RAC3: variants seen among roughly 807,000 people sequenced by gnomAD.
RAC3 encodes ras-related C3 botulinum toxin substrate 3.
RAC3 carries 9 observed loss-of-function variants against 19.0 expected under a neutral mutation model. The observed-to-expected ratio is 0.47, with a 90% CI of 0.29 to 0.83. The LOEUF (loss-of-function observed/expected upper bound fraction) is 0.83, where lower values mean the gene tolerates loss of function less well. RAC3 is among the 40% of genes least tolerant of loss of function. The probability of loss-of-function intolerance (pLI) is 0.09; values close to 1 mark genes in which losing one functional copy is unlikely to be tolerated. For synonymous variants in RAC3, 146 were observed against 111.8 expected, an observed-to-expected ratio of 1.31 and a Z score of -1.93; for missense variants, 203 against 260.8, an observed-to-expected ratio of 0.78 and a Z score of 1.53.
At position 82,034,020 on chromosome 17, in the gene RAC3, GCCTT is replaced by G; in HGVS notation, c.*194_*197del. 1 of 629,198 alleles carries G rather than the reference GCCTT, an allele frequency of 1.6e-6. No homozygotes were observed. The highest frequency in any genetic ancestry group is 2.4e-6 in the Non-Finnish European group (1 of 413,166). 39.0% of individuals were successfully genotyped at this position (629,198 alleles called of 1,614,324 possible). ...CGCCTCATTCTGGGGTGTGGCTCCAGCCTTCCCTGGCCCCCGCCGGAGGCCGGGA... is the reference window on the plus strand; with the variant it reads ...CGCCTCATTCTGGGGTGTGGCTCCAGCCCTGGCCCCCGCCGGAGGCCGGGA... On this transcript the variant is annotated 3_prime_UTR_variant, in exon 6 of 6. Coordinates refer to ENST00000306897, the MANE Select transcript of RAC3 (RefSeq NM_005052.3).
At chr17:82,032,100 A>G in intron 1 of RAC3, 1 of 467,998 alleles carries the variant, frequency 2.1e-6, no homozygotes, top group Non-Finnish European at 3.8e-6. Context: ...CCTGGGCTGA[A>G]CCCTCAGCCG....
chr17:82,033,899 C>T lies in RAC3; in HGVS notation c.*70C>T, dbSNP rs532079247. On this transcript the variant is annotated 3_prime_UTR_variant, in exon 6 of 6. Coordinates refer to ENST00000306897, the MANE Select transcript of RAC3 (RefSeq NM_005052.3). This position sits in a 1 kb window ranked among gnomAD's most constrained non-coding sequence, Gnocchi z 6.2. ...GGACGTGTCCGCTGTTGTGTTGAGA[C>T]GTGTGGTGTCCCTGAGTCGGCTGTG... The T allele has an allele frequency of 9.0e-4, 1,308 of 1,445,518 alleles. 9 individuals carry two copies. The African/African-American group carries it at 0.016, about 18-fold the overall frequency. The allele number at this position is 1,445,518 out of a possible 1,614,324, so 89.5% of individuals were successfully genotyped here.
rs1236435077 is a variant in RAC3, at chr17:82,032,313, G to A, written c.36-74G>A. 7.4e-6 allele frequency: 11 copies of A among 1,484,876 alleles called. No individual in the cohort carries two copies. The East Asian group carries it at 2.3e-4, about 31-fold the overall frequency. 92.0% of individuals were successfully genotyped at this position (1,484,876 alleles called of 1,614,324 possible). A position where few individuals can be genotyped will look rare whatever the true frequency, so the allele number is the denominator to read the frequency against. On this transcript the variant is annotated intron_variant, in intron 1 of 5. Transcript: ENST00000306897. The stretch of plus-strand genomic sequence containing the variant: ...GCCCCTAACTCGCCTCTGGCTCCGG[G>A]AGAGGGGGCTGCCCTTGCTGGGCAG...
In RAC3 at chr17:82,033,786, C is replaced by T. The variant is rs748806033; in HGVS notation, c.536C>T (p.Pro179Leu). ...FDEAIRAVLC[P>L]PPVKKPGKKC... is the part of the protein sequence containing the mutation. The stretch of plus-strand genomic sequence containing the variant: ...GAGGCGATCCGCGCGGTGCTCTGCC[C>T]GCCCCCAGTGAAGAAGCCGGGGAAG... The change falls in exon 6 of 6, where the codon CCG (proline) becomes CTG (leucine). Residue 179 changes from proline (P) to leucine (L), a missense_variant. Pro to Leu is a moderately conservative substitution (Grantham distance 98). Coordinates refer to ENST00000306897, the MANE Select transcript of RAC3 (RefSeq NM_005052.3). The surrounding 1 kb of genome is among the most constrained non-coding windows in gnomAD (Gnocchi z 6.2). 16 of 1,611,626 alleles carry T rather than the reference C, an allele frequency of 9.9e-6. No homozygotes were observed. Among genetic ancestry groups the T allele is most frequent in the African/African-American group, 1.3e-5 (1 of 74,856 alleles).
Position 82,033,369 on chromosome 17 carries a change from GC to G in RAC3, c.289-69del. 1 of 1,455,384 alleles carries G rather than the reference GC, an allele frequency of 6.9e-7. No individual in the cohort carries two copies. The highest frequency in any genetic ancestry group is 9.2e-7 in the Non-Finnish European group (1 of 1,092,314). 90.2% of individuals were successfully genotyped at this position (1,455,384 alleles called of 1,614,324 possible). On this transcript the variant is annotated intron_variant, in intron 4 of 5. Coordinates refer to ENST00000306897, the MANE Select transcript of RAC3 (RefSeq NM_005052.3). This position sits in a 1 kb window ranked among gnomAD's most constrained non-coding sequence, Gnocchi z 6.2. ...GGAACAGTGGGGAAAGTCCCTGAGG[GC>G]CGTGACTTGCTCAGGTGGGGCTGGG...
In RAC3 at chr17:82,033,051, C is replaced by T. The variant is rs1205355243; in HGVS notation, c.288+42C>T. 6.4e-7 allele frequency: 1 copy of T among 1,565,576 alleles called. No homozygotes were observed. The highest frequency in any genetic ancestry group is 8.8e-7 in the Non-Finnish European group (1 of 1,138,860). ...GGCCCCTGTGGGGAGAGGGCTTGCC[C>T]CAGTACCTGCCCCGACAAGTTGTCC... On this transcript the variant is annotated intron_variant, in intron 4 of 5. Transcript: ENST00000306897. This position sits in a 1 kb window ranked among gnomAD's most constrained non-coding sequence, Gnocchi z 6.2.
At chr17:82,032,321 G>A in intron 1 of RAC3, 66 bp from the exon 2 acceptor site, 2 of 1,513,272 alleles carry the variant, frequency 1.3e-6, no homozygotes, top group Non-Finnish European at 1.8e-6. Flanking sequence ...GGGAGAGGGG[G>A]CTGCCCTTGC....
Position 82,033,372 on chromosome 17 carries a change from G to A in RAC3, c.289-68G>A, listed in dbSNP as rs146411156. The A allele has an allele frequency of 7.3e-5, 107 of 1,474,706 alleles. No homozygotes were observed. In the African/African-American group the frequency reaches 1.2e-3, roughly 16 times the overall value. 91.4% of individuals were successfully genotyped at this position (1,474,706 alleles called of 1,614,324 possible). ...ACAGTGGGGAAAGTCCCTGAGGGCC[G>A]TGACTTGCTCAGGTGGGGCTGGGGT... On this transcript the variant is annotated intron_variant, in intron 4 of 5. Transcript: ENST00000306897. The surrounding 1 kb of genome is among the most constrained non-coding windows in gnomAD (Gnocchi z 6.2).
At position 82,033,150 on chromosome 17, in the gene RAC3, CT is replaced by C. The variant is rs760261988; in HGVS notation, c.288+142del. On this transcript the variant is annotated intron_variant, in intron 4 of 5. Coordinates refer to ENST00000306897, the MANE Select transcript of RAC3 (RefSeq NM_005052.3). The surrounding 1 kb of genome is among the most constrained non-coding windows in gnomAD (Gnocchi z 6.2). ...TGGGGTCTGAAGATGACCATGGGGG[CT>C]GATGGGGTGCCGTGGTGGTGGTCAC... The C allele has an allele frequency of 1.3e-5, 13 of 966,558 alleles. No individual in the cohort carries two copies. Among genetic ancestry groups the C allele is most frequent in the Non-Finnish European group, 2.0e-5 (13 of 635,728 alleles). The allele number at this position is 966,558 out of a possible 1,614,324, so 59.9% of individuals were successfully genotyped here.
chr17:82,033,146 G>A lies in RAC3; in HGVS notation c.288+137G>A, dbSNP rs2043449475. 2.1e-6 allele frequency: 2 copies of A among 968,192 alleles called. No homozygotes were observed. The highest frequency in any genetic ancestry group is 4.1e-5 in the Admixed American group (2 of 48,520). 60.0% of individuals were successfully genotyped at this position (968,192 alleles called of 1,614,324 possible). On this transcript the variant is annotated intron_variant, in intron 4 of 5. Transcript: ENST00000306897. This position sits in a 1 kb window ranked among gnomAD's most constrained non-coding sequence, Gnocchi z 6.2. Reference sequence around the variant, plus strand: ...GGAGTGGGGTCTGAAGATGACCATGGGGGCTGATGGGGTGCCGTGGTGGTG... The same window carrying A: ...GGAGTGGGGTCTGAAGATGACCATGAGGGCTGATGGGGTGCCGTGGTGGTG...
intron 2 of RAC3, 108 bp downstream of exon 2, chr17:82,032,566 T>A: frequency 6.8e-7 from 1 of 1,464,134 alleles, no homozygotes; most frequent in Non-Finnish European, 9.5e-7. Context: ...CAGGTGGCCC[T>A]GTCTCTGGGC....
chr17:82,032,259 TG>T, intron 1 of RAC3, 127 bp from the exon 2 acceptor site: 1 of 818,692 alleles, frequency 1.2e-6, no homozygotes, highest in Non-Finnish European at 1.9e-6. Context: ...ACGGATCTGG[TG>T]GGCTGGGTCC....
In RAC3 at chr17:82,033,376, C is replaced by T. The variant is rs2043452064; in HGVS notation, c.289-64C>T. On this transcript the variant is annotated intron_variant, in intron 4 of 5. Coordinates refer to ENST00000306897, the MANE Select transcript of RAC3 (RefSeq NM_005052.3). The surrounding 1 kb of genome is among the most constrained non-coding windows in gnomAD (Gnocchi z 6.2). ...TGGGGAAAGTCCCTGAGGGCCGTGA[C>T]TTGCTCAGGTGGGGCTGGGGTAGCC... 1.5e-5 allele frequency: 22 copies of T among 1,488,864 alleles called. No individual in the cohort carries two copies. Among genetic ancestry groups the T allele is most frequent in the Non-Finnish European group, 1.9e-5 (21 of 1,116,734 alleles). The allele number at this position is 1,488,864 out of a possible 1,614,324, so 92.2% of individuals were successfully genotyped here. A position where few individuals can be genotyped will look rare whatever the true frequency, so the allele number is the denominator to read the frequency against.
At chr17:82,032,590 C>A in intron 2 of RAC3, 121 bp from the exon 3 acceptor site, 1 of 1,429,428 alleles carries the variant, frequency 7.0e-7, no homozygotes, top group Non-Finnish European at 9.8e-7. Context: ...CCGGCTGGAG[C>A]TGAGGTGCTG....
At chr17:82,032,153 G>A in intron 1 of RAC3, 1 of 561,242 alleles carries the variant, frequency 1.8e-6, no homozygotes, top group Non-Finnish European at 3.2e-6. Context: ...CGGGGCCTCT[G>A]CCTGGGGCCC....
chr17:82,031,758 G>A lies in RAC3; in HGVS notation c.-4G>A. ...CCGCGCCCGCCGCCGCCCGGCCCGC[G>A]CCCATGCAGGCCATCAAGTGCGTGG... On this transcript the variant is annotated 5_prime_UTR_variant, in exon 1 of 6. Coordinates refer to ENST00000306897, the MANE Select transcript of RAC3 (RefSeq NM_005052.3). 1.0e-6 allele frequency: 1 copy of A among 989,110 alleles called. No individual in the cohort carries two copies. Among genetic ancestry groups the A allele is most frequent in the Non-Finnish European group, 1.2e-6 (1 of 834,670 alleles). The allele number at this position is 989,110 out of a possible 1,614,324, so 61.3% of individuals were successfully genotyped here. A position where few individuals can be genotyped will look rare whatever the true frequency, so the allele number is the denominator to read the frequency against.
In RAC3 at chr17:82,033,465, G is replaced by T. The variant is rs766077437; in HGVS notation, c.314G>T (p.Cys105Phe). Residue 105 changes from cysteine (C) to phenylalanine (F), a missense_variant, in exon 5 of 6, where the codon TGC (cysteine) becomes TTC (phenylalanine). This residue lies in a region of RAC3 where 142 missense variants were observed against 158.2 expected (regional missense o/e 0.90). Coordinates refer to ENST00000306897, the MANE Select transcript of RAC3 (RefSeq NM_005052.3). This position sits in a 1 kb window ranked among gnomAD's most constrained non-coding sequence, Gnocchi z 6.2. ...TGGTACCCGGAGGTGCGGCACCACTGCCCCCACACGCCCATCCTCCTGGTG... is the reference window on the plus strand; with the variant it reads ...TGGTACCCGGAGGTGCGGCACCACTTCCCCCACACGCCCATCCTCCTGGTG... Reference protein sequence around the residue: ...AKWYPEVRHHCPHTPILLVGT... With the variant: ...AKWYPEVRHHFPHTPILLVGT... The T allele has an allele frequency of 6.2e-7, 1 of 1,610,378 alleles. No homozygotes were observed. Among genetic ancestry groups the T allele is most frequent in the Non-Finnish European group, 8.5e-7 (1 of 1,178,590 alleles).
intron 1 of RAC3, chr17:82,032,059 G>C (rs1001188123): frequency 2.5e-5 from 7 of 278,158 alleles, no homozygotes; most frequent in Non-Finnish European, 4.7e-5. Flanking sequence ...CCGCCGCCCT[G>C]TCCTCCCAGT....
chr17:82,033,910 CCT>C lies in RAC3; in HGVS notation c.*82_*83del. 2 of 1,490,488 alleles carry C rather than the reference CCT, an allele frequency of 1.3e-6. No individual in the cohort carries two copies. Among genetic ancestry groups the C allele is most frequent in the Non-Finnish European group, 1.8e-6 (2 of 1,112,048 alleles). 92.3% of individuals were successfully genotyped at this position (1,490,488 alleles called of 1,614,324 possible). A position where few individuals can be genotyped will look rare whatever the true frequency, so the allele number is the denominator to read the frequency against. On this transcript the variant is annotated 3_prime_UTR_variant, in exon 6 of 6. Transcript: ENST00000306897. The surrounding 1 kb of genome is among the most constrained non-coding windows in gnomAD (Gnocchi z 6.2). ...CTGTTGTGTTGAGACGTGTGGTGTC[CCT>C]GAGTCGGCTGTGGGGAGCGGTGGGG...
Sources: gnomAD v4.1 joint callset for allele counts on GRCh38, gnomAD v4.1.1 for gene constraint, gnomAD v4.1.1 regional missense constraint, Gnocchi (gnomAD v3.1) non-coding constraint, MANE v1.5 for transcripts, NCBI Gene and HGNC (gene_info 2026-07-23, HGNC 2026-07-21) for gene names.